The following APAF1 variants were observed in gnomAD, a reference collection of about 807,000 sequenced individuals.
The protein encoded by APAF1 is apoptotic peptidase activating factor 1, also known as apoptotic protease-activating factor 1.
Under a neutral mutation model 152.4 loss-of-function variants are expected in APAF1, and 91 were observed. That is an observed-to-expected ratio of 0.60 (90% confidence interval 0.50 to 0.71). The LOEUF is 0.71. APAF1 is among the 30% of genes least tolerant of loss of function. APAF1 has a pLI of 0.00. For missense variants in APAF1, 1,283 were observed against 1,472.0 expected, an observed-to-expected ratio of 0.87 and a Z score of 2.10; for synonymous variants, 484 against 494.1, an observed-to-expected ratio of 0.98 and a Z score of 0.27.
chr12:98,723,814 A>G, intron 24 of APAF1, 50 bp downstream of exon 24: 3 of 1,585,214 alleles, frequency 1.9e-6, no homozygotes, highest in Non-Finnish European at 2.6e-6. Flanking sequence ...GTGGTTATGT[A>G]TAATGAGTTC....
chr12:98,708,512 G>C (rs2153338134), intron 19 of APAF1, 73 bp from the exon 20 acceptor site: 1 of 1,486,266 alleles, frequency 6.7e-7, no homozygotes, highest in South Asian at 1.2e-5. Context: ...GTGAAACATA[G>C]TTTGTCTCTC....
Position 98,662,751 on chromosome 12 carries a change from T to C in APAF1, c.900T>C (p.Asn300=). 1.9e-6 allele frequency: 3 copies of C among 1,612,314 alleles called. No individual in the cohort carries two copies. Among genetic ancestry groups the C allele is most frequent in the South Asian group, 2.2e-5 (2 of 90,990 alleles). Residue 300 remains asparagine, a synonymous_variant, in exon 7 of 27, where the codon AAT becomes AAC. Transcript: ENST00000551964. ...TTGAAATTTTATCCCTTTTTGTTAA[T>C]ATGAAGAAGGCAGATTTGCCAGAAC... ...KGLEILSLFV[N]MKKADLPEQA...
intron 22 of APAF1, 89 bp from the exon 23 acceptor site, chr12:98,723,104 T>C: frequency 2.1e-6 from 3 of 1,404,118 alleles, no homozygotes; most frequent in Non-Finnish European, 3.0e-6. Context: ...AGTAAAAGAC[T>C]TTAGACAAGA....
chr12:98,655,565 T>G (rs1324109061), intron 4 of APAF1, among the ~76,000 whole-genome samples: 2 of 152,228 alleles, frequency 1.3e-5, no homozygotes, highest in Non-Finnish European at 2.9e-5. Flanking sequence ...GAAAAAGAAA[T>G]AAAAGTTCTC....
Position 98,731,269 on chromosome 12 carries a change from C to T in APAF1, c.3601-1151C>T, listed in dbSNP as rs779520346. On this transcript the variant is annotated intron_variant, in intron 26 of 26. Coordinates refer to ENST00000551964, the MANE Select transcript of APAF1 (RefSeq NM_181861.2). ...TAGCCTCTTCCATTATGAACATCCC[C>T]CCACCAGAGATGTGCATTTGTTACA... 7.9e-5 allele frequency among the ~76,000 whole-genome samples: 12 copies of T among 152,316 alleles called. 1 individual carries two copies. The Middle Eastern group carries it at 0.017, about 216-fold the overall frequency.
intron 26 of APAF1, among the ~76,000 whole-genome samples, chr12:98,731,970 A>G (rs542213540): frequency 6.6e-6 from 1 of 152,322 alleles, no homozygotes; most frequent in African/African-American, 2.4e-5. Flanking sequence ...AGTAGAGAGA[A>G]CATTGTTTCC....
At chr12:98,665,180 C>T (rs1181143325) in intron 7 of APAF1, among the ~76,000 whole-genome samples, 1 of 150,468 alleles carries the variant, frequency 6.6e-6, no homozygotes, top group South Asian at 2.1e-4. Flanking sequence ...TAGGCACACA[C>T]CACCACACCT....
intron 16 of APAF1, among the ~76,000 whole-genome samples, chr12:98,696,012 C>G (rs2097709462): frequency 6.6e-6 from 1 of 152,160 alleles, no homozygotes; most frequent in East Asian, 1.9e-4. Flanking sequence ...TTGCTGCTGT[C>G]TCTTTCTCCA....
intron 13 of APAF1, 36 bp downstream of exon 13, chr12:98,677,587 A>G (rs372899482): frequency 1.2e-6 from 2 of 1,613,700 alleles, no homozygotes; most frequent in Middle Eastern, 1.6e-4. Context: ...GCAAAGAGGC[A>G]TGTATCCAGT....
intron 12 of APAF1, among the ~76,000 whole-genome samples, chr12:98,673,770 C>G (rs905383795): frequency 1.3e-5 from 2 of 152,146 alleles, no homozygotes; most frequent in African/African-American, 4.8e-5. Context: ...TGAGGTCTTT[C>G]CCCTAAGGAG....
intron 17 of APAF1, among the ~76,000 whole-genome samples, chr12:98,702,872 G>T (rs1334910090): frequency 1.3e-5 from 2 of 151,490 alleles, no homozygotes. Flanking sequence ...GAAGAAACTT[G>T]GATTACCCAA....
chr12:98,646,354 T>A (rs541640946), intron 1 of APAF1, among the ~76,000 whole-genome samples: 1 of 152,350 alleles, frequency 6.6e-6, no homozygotes, highest in East Asian at 1.9e-4. Flanking sequence ...CAATAACTTT[T>A]TATCAGTTTT....
rs755498688 is a variant in APAF1, at chr12:98,727,166, T to C, written c.3457-7T>C. The C allele has an allele frequency of 4.2e-4, 683 of 1,613,980 alleles. 1 individual carries two copies. The highest frequency in any genetic ancestry group is 5.0e-4 in the Non-Finnish European group (591 of 1,179,892). ...CTGTTAATGAATTGTGTATCATGTT[T>C]ATGTAGATATGGAATGTCTCAAACG... On this transcript the variant is annotated splice_region_variant and splice_polypyrimidine_tract_variant and intron_variant, in intron 25 of 26. Transcript: ENST00000551964.
chr12:98,715,235 C>CATATATATATATATATATAT, intron 21 of APAF1, among the ~76,000 whole-genome samples, 192 bp from the exon 22 acceptor site: 1 of 54,774 alleles, frequency 1.8e-5, no homozygotes, highest in Non-Finnish European at 3.5e-5. Flanking sequence ...ACATGGTGTG[C>CATATATATATATATATATAT]ATATATATAT....
intron 20 of APAF1, 25 bp from the exon 21 acceptor site, chr12:98,712,294 C>T (rs769639048): frequency 7.3e-7 from 1 of 1,369,184 alleles, no homozygotes; most frequent in East Asian, 2.3e-5. Flanking sequence ...AGCCTAATAA[C>T]TGATTTTGCC....
chr12:98,657,505 C>T (rs147971793), intron 4 of APAF1, among the ~76,000 whole-genome samples: 336 of 152,258 alleles, frequency 2.2e-3, no homozygotes, highest in African/African-American at 7.6e-3. Context: ...TCAAAGACTC[C>T]ATGTCACTTC....
intron 22 of APAF1, among the ~76,000 whole-genome samples, chr12:98,721,908 CA>C (rs1445192506): frequency 1.3e-5 from 2 of 152,238 alleles, no homozygotes; most frequent in Non-Finnish European, 2.9e-5. Context: ...AAGCTAGACT[CA>C]GAATGTTACT....
intron 20 of APAF1, among the ~76,000 whole-genome samples, chr12:98,711,190 ATTTC>A (rs2097727580): frequency 6.6e-6 from 1 of 152,114 alleles, no homozygotes; most frequent in Non-Finnish European, 1.5e-5. Context: ...CACTTGGGAT[ATTTC>A]TACTTCAGTT....
chr12:98,721,000 T>A (rs1390554324), intron 22 of APAF1, among the ~76,000 whole-genome samples: 1 of 152,162 alleles, frequency 6.6e-6, no homozygotes, highest in Middle Eastern at 3.4e-3. Context: ...CCTTAACATT[T>A]CTACAATTTA....
Sources: allele counts gnomAD v4.1 joint callset (sites outside exome capture counted in the v4.1 genomes callset), GRCh38; gene constraint gnomAD v4.1.1; transcripts MANE v1.5; gene names NCBI Gene and HGNC (gene_info 2026-07-23, HGNC 2026-07-21).